UNC13C: variants seen among roughly 807,000 people sequenced by gnomAD.
UNC13C encodes unc-13 homolog C, also known as protein unc-13 homolog C.
Under a neutral mutation model 245.4 loss-of-function variants are expected in UNC13C, and 174 were observed. The ratio of observed to expected loss-of-function variants is 0.71; its 90% CI spans 0.63 to 0.80. The LOEUF (loss-of-function observed/expected upper bound fraction) is 0.80, where lower values mean the gene tolerates loss of function less well. UNC13C is among the 30% of genes least tolerant of loss of function. The pLI is 0.00. For synonymous variants in UNC13C, 992 were observed against 895.1 expected (o/e 1.11, Z -1.93); for missense variants, 2,829 against 2,602.9 (o/e 1.09, Z -1.89).
At chr15:54,091,688 CA>C (rs1899581633) in intron 2 of UNC13C, among the ~76,000 whole-genome samples, 2 of 152,044 alleles carry the variant, frequency 1.3e-5, no homozygotes, top group African/African-American at 4.8e-5. Flanking sequence ...AAGCCACTAT[CA>C]ATGTCTGAAT....
intron 17 of UNC13C, among the ~76,000 whole-genome samples, chr15:54,388,237 C>T (rs766873511): frequency 3.3e-5 from 5 of 152,102 alleles, no homozygotes; most frequent in Non-Finnish European, 7.4e-5. Context: ...TTTGTTCTAG[C>T]ACTTCAGTAA....
chr15:54,381,489 G>A (rs1274750544), intron 17 of UNC13C, among the ~76,000 whole-genome samples: 4 of 152,070 alleles, frequency 2.6e-5, no homozygotes, highest in Non-Finnish European at 5.9e-5. Flanking sequence ...TTTCTGTGAA[G>A]AATGCCATTG....
intron 30 of UNC13C, among the ~76,000 whole-genome samples, chr15:54,589,445 C>G (rs1898663501): frequency 6.6e-6 from 1 of 151,372 alleles, no homozygotes; most frequent in Non-Finnish European, 1.5e-5. Context: ...ATTACAGGCA[C>G]ATGCCACCAT....
intron 17 of UNC13C, among the ~76,000 whole-genome samples, chr15:54,354,905 A>T (rs1430140271): frequency 6.6e-6 from 1 of 152,328 alleles, no homozygotes; most frequent in Admixed American, 6.5e-5. Context: ...GAGGCCCTTA[A>T]GAGGTGATTG....
At chr15:54,529,701 C>T (rs532482754) in intron 25 of UNC13C, among the ~76,000 whole-genome samples, 2 of 152,296 alleles carry the variant, frequency 1.3e-5, no homozygotes, top group South Asian at 4.1e-4. Context: ...TTCTCAAATA[C>T]TAACTGTATC....
At chr15:54,253,728 A>G (rs766943847) in intron 8 of UNC13C, among the ~76,000 whole-genome samples, 1 of 152,184 alleles carries the variant, frequency 6.6e-6, no homozygotes, top group Non-Finnish European at 1.5e-5. Context: ...TTTAAACTAG[A>G]AAAAGGCCGT....
At chr15:54,049,785 T>A (rs1566974277) in intron 2 of UNC13C, 2 of 254,662 alleles carry the variant, frequency 7.9e-6, no homozygotes, top group Admixed American at 5.3e-5. Flanking sequence ...CAATTCTCCA[T>A]CTGGAGCCCA....
chr15:54,576,473 G>A (rs1438474564), intron 30 of UNC13C, among the ~76,000 whole-genome samples: 3 of 152,096 alleles, frequency 2.0e-5, no homozygotes, highest in Admixed American at 6.6e-5. Flanking sequence ...AATCCCCGCC[G>A]CAAACTTCTA....
At chr15:54,077,450 C>T (rs1898697831) in intron 2 of UNC13C, among the ~76,000 whole-genome samples, 1 of 116,688 alleles carries the variant, frequency 8.6e-6, no homozygotes, top group South Asian at 3.0e-4. Flanking sequence ...ATGATCTTGG[C>T]TTACTGCAAC....
chr15:53,895,192 C>T, the UNC13C span, among the ~76,000 whole-genome samples: 8 of 151,504 alleles, frequency 5.3e-5, no homozygotes, highest in Non-Finnish European at 1.0e-4. Flanking sequence ...GGTGAAACCT[C>T]GTCTCTACTA....
intron 17 of UNC13C, among the ~76,000 whole-genome samples, chr15:54,373,157 T>C (rs1302830368): frequency 6.6e-6 from 1 of 152,120 alleles, no homozygotes; most frequent in Non-Finnish European, 1.5e-5. Context: ...CAACCTTGGG[T>C]GAGTCAGCTC....
At chr15:54,228,511 G>A (rs149191525) in intron 4 of UNC13C, among the ~76,000 whole-genome samples, 1 of 152,158 alleles carries the variant, frequency 6.6e-6, no homozygotes, top group Admixed American at 6.5e-5. Flanking sequence ...CCCATGGCGA[G>A]TACTACCTGG....
At chr15:54,264,104 C>T (rs1299312860) in intron 8 of UNC13C, 64 bp from the exon 9 acceptor site, 8 of 1,485,532 alleles carry the variant, frequency 5.4e-6, no homozygotes, top group East Asian at 2.5e-5. Context: ...CTTTTCCTCC[C>T]TCCTTTAGCC....
At chr15:53,883,629 A>G in the UNC13C span, among the ~76,000 whole-genome samples, 793 of 152,314 alleles carry the variant, frequency 5.2e-3, 3 homozygotes, top group Non-Finnish European at 8.5e-3. Context: ...AATGCAGACA[A>G]AGCATGTTCT....
At chr15:54,278,184 C>T (rs2036884059) in intron 10 of UNC13C, among the ~76,000 whole-genome samples, 1 of 152,110 alleles carries the variant, frequency 6.6e-6, no homozygotes, top group Non-Finnish European at 1.5e-5. Flanking sequence ...TGGCACCCAA[C>T]TCTCTTTTCA....
chr15:54,173,753 T>C (rs1021534621), intron 4 of UNC13C, among the ~76,000 whole-genome samples: 2 of 152,130 alleles, frequency 1.3e-5, no homozygotes, highest in Non-Finnish European at 2.9e-5. Flanking sequence ...AAGTGATAAA[T>C]AGAAGTGATG....
chr15:53,929,925 G>A, the UNC13C span, among the ~76,000 whole-genome samples: 1 of 152,170 alleles, frequency 6.6e-6, no homozygotes. Flanking sequence ...GAACTGTGAT[G>A]TCATTTATTT....
At chr15:54,017,407 C>T (rs921182914) in intron 2 of UNC13C, among the ~76,000 whole-genome samples, 1 of 151,784 alleles carries the variant, frequency 6.6e-6, no homozygotes, top group Non-Finnish European at 1.5e-5. Context: ...TACAGGCCAG[C>T]AGTTTGACAA....
chr15:53,919,919 A>G, the UNC13C span, among the ~76,000 whole-genome samples: 2 of 152,158 alleles, frequency 1.3e-5, no homozygotes, highest in South Asian at 2.1e-4. Context: ...TAAAATTAAA[A>G]TATTAATTAT....
Sources: gnomAD v4.1 joint callset for allele counts (sites outside exome capture counted in the v4.1 genomes callset) on GRCh38, gnomAD v4.1.1 for gene constraint, MANE v1.5 for transcripts, NCBI Gene and HGNC (gene_info 2026-07-23, HGNC 2026-07-21) for gene names.